Variants in RBM27 observed in about 807,000 individuals in gnomAD.
RBM27 encodes RNA-binding protein 27.
RBM27 carries 22 observed loss-of-function variants against 135.3 expected under a neutral mutation model. That is an observed-to-expected ratio of 0.16 (90% confidence interval 0.12 to 0.23). The LOEUF is 0.23. RBM27 is among the 10% of genes least tolerant of loss of function. The pLI is 1.00. For missense variants in RBM27, 1,009 were observed against 1,281.0 expected (o/e 0.79, Z 3.24); for synonymous variants, 481 against 442.4 (o/e 1.09, Z -1.10).
chr5:146,255,061 A>G lies in RBM27; in HGVS notation c.1563A>G (p.Leu521=). 2 of 1,612,910 alleles carry G rather than the reference A, an allele frequency of 1.2e-6. No homozygotes were observed. Among genetic ancestry groups the G allele is most frequent in the Non-Finnish European group, 1.7e-6 (2 of 1,179,138 alleles). Residue 521 remains leucine, a synonymous_variant, in exon 10 of 21, where the codon CTA becomes CTG. Transcript: ENST00000265271. ...TQTQRPNLIG[L]TSGDMDVNPR... ...CACAGCGTCCCAATCTGATTGGCCT[A>G]ACATCTGGAGATATGGATGTAAATC... is the stretch of plus-strand genomic sequence containing the variant.
chr5:146,233,308 C>G, intron 6 of RBM27, 142 bp from the exon 7 acceptor site: 1 of 1,310,786 alleles, frequency 7.6e-7, no homozygotes, highest in South Asian at 1.9e-5. Flanking sequence ...TGATGCTTAA[C>G]AGAGTAACAC....
intron 2 of RBM27, among the ~76,000 whole-genome samples, chr5:146,221,184 A>G (rs927042211): frequency 1.3e-4 from 20 of 150,758 alleles, no homozygotes; most frequent in African/African-American, 4.6e-4. Flanking sequence ...TTTAGTAATT[A>G]AAAAAAAAAT....
intron 1 of RBM27, among the ~76,000 whole-genome samples, chr5:146,213,577 G>A (rs992415013): frequency 6.6e-6 from 1 of 152,176 alleles, no homozygotes; most frequent in Non-Finnish European, 1.5e-5. Flanking sequence ...CTGCAAGTGG[G>A]AAAGGTCTAA....
rs982242492 is a variant in RBM27, at chr5:146,287,123, G to C, written c.*1093G>C. ...TTAAACCATGATGGTGAGGTGACTG[G>C]GGGGTGGGGGGTGGAGGTGGGAGGG... On this transcript the variant is annotated 3_prime_UTR_variant, in exon 21 of 21. Transcript: ENST00000265271. 18 of 151,406 alleles carry C rather than the reference G, an allele frequency of 1.2e-4. No homozygotes were observed. The highest frequency in any genetic ancestry group is 4.4e-4 in the African/African-American group (18 of 41,168). 9.4% of individuals were successfully genotyped at this position (151,406 alleles called of 1,614,324 possible).
intron 1 of RBM27, among the ~76,000 whole-genome samples, chr5:146,208,827 A>G (rs1755818658): frequency 1.3e-5 from 2 of 152,204 alleles, no homozygotes; most frequent in African/African-American, 4.8e-5. Flanking sequence ...GTTGTATTTA[A>G]TGGGGAATGT....
intron 1 of RBM27, 73 bp downstream of exon 1, chr5:146,203,897 G>A: frequency 7.7e-7 from 1 of 1,300,348 alleles, no homozygotes; most frequent in Non-Finnish European, 1.1e-6. Context: ...GGGGAGGGGA[G>A]GTGGCGTGGG....
At chr5:146,264,105 CAAA>C (rs377296275) in intron 14 of RBM27, among the ~76,000 whole-genome samples, 3 of 122,882 alleles carry the variant, frequency 2.4e-5, no homozygotes, top group Admixed American at 8.4e-5. Context: ...GACCCTGTGT[CAAA>C]AAAAAAAAAA....
chr5:146,251,563 G>A (rs1757885764), intron 8 of RBM27, 148 bp from the exon 9 acceptor site: 1 of 730,594 alleles, frequency 1.4e-6, no homozygotes, highest in Admixed American at 2.9e-5. Flanking sequence ...TCTTGAGTTA[G>A]AAAGAATCCC....
Position 146,233,649 on chromosome 5 carries a change from C to CCCGGGCCCAGGT in RBM27, c.1053_1064dup (p.Pro355_Gly358dup), listed in dbSNP as rs756604432. 18 of 1,569,504 alleles carry CCCGGGCCCAGGT rather than the reference C, an allele frequency of 1.1e-5. No homozygotes were observed. Among genetic ancestry groups the CCCGGGCCCAGGT allele is most frequent in the Non-Finnish European group, 1.1e-5 (13 of 1,167,242 alleles). ...GCCCGGGCCCAGGTCCAGGCCCAGG[C>CCCGGGCCCAGGT]CCGGGCCCAGGTCCAGGTCCTGGCC... On this transcript the variant is annotated inframe_insertion, in exon 7 of 21. Coordinates refer to ENST00000265271, the MANE Select transcript of RBM27 (RefSeq NM_018989.2).
Position 146,229,043 on chromosome 5 carries a change from T to C in RBM27, c.395+6T>C, listed in dbSNP as rs760460424. ...TCAGAATCTAGTGAACGAAGGTTTG[T>C]GTTTATCTTTAATTAGGAAGACATT... On this transcript the variant is annotated splice_donor_region_variant and intron_variant, in intron 4 of 20. Transcript: ENST00000265271. 4.3e-6 allele frequency: 7 copies of C among 1,610,430 alleles called. No individual in the cohort carries two copies. The Admixed American group carries it at 1.0e-4, about 23-fold the overall frequency.
rs73303461 is a variant in RBM27, at chr5:146,278,402, A to G, written c.2989-6220A>G. ...TGAAAAAGGAATAAAAGTGTATACA[A>G]TGAAAAATAAGATTTCCTTCTACCT... On this transcript the variant is annotated intron_variant, in intron 19 of 20. Coordinates refer to ENST00000265271, the MANE Select transcript of RBM27 (RefSeq NM_018989.2). Among the ~76,000 whole-genome samples the G allele has an allele frequency of 8.3e-3, 1,257 of 152,304 alleles. 17 individuals are homozygous for G. Among genetic ancestry groups the G allele is most frequent in the African/African-American group, 0.028 (1,165 of 41,562 alleles).
intron 7 of RBM27, among the ~76,000 whole-genome samples, chr5:146,236,499 G>A (rs933984833): frequency 2.6e-5 from 4 of 152,274 alleles, no homozygotes; most frequent in Middle Eastern, 3.4e-3. Context: ...TCTAGAACAA[G>A]TAATGTTCTT....
At chr5:146,245,359 T>G (rs1757581729) in intron 8 of RBM27, 1 of 152,234 alleles carries the variant, frequency 6.6e-6, no homozygotes, top group African/African-American at 2.4e-5. Flanking sequence ...TGGTCTGTTC[T>G]GCTTCTTGAA....
chr5:146,206,934 A>C (rs1332765373), intron 1 of RBM27, among the ~76,000 whole-genome samples: 1 of 152,198 alleles, frequency 6.6e-6, no homozygotes, highest in African/African-American at 2.4e-5. Context: ...TGGAGATATT[A>C]ATAATAAAAA....
chr5:146,276,065 C>G (rs937400947), intron 19 of RBM27, among the ~76,000 whole-genome samples: 4 of 151,960 alleles, frequency 2.6e-5, no homozygotes, highest in Admixed American at 2.0e-4. Context: ...TTGCACCTGG[C>G]TAGTTTTTTT....
Position 146,260,341 on chromosome 5 carries a change from C to T in RBM27, c.1740-404C>T, listed in dbSNP as rs77516771. ...AATGTGAAAATTGCTTAGTAATTTC[C>T]GAAGAATGTTAAGGGCTCACAAAAG... On this transcript the variant is annotated intron_variant, in intron 11 of 20. Transcript: ENST00000265271. Among the ~76,000 whole-genome samples, 14 of 151,920 alleles carry T rather than the reference C, an allele frequency of 9.2e-5. No homozygotes were observed. In the East Asian group the frequency reaches 1.7e-3, roughly 19 times the overall value.
chr5:146,203,850 C>T (rs775184225), intron 1 of RBM27, 26 bp downstream of exon 1: 170 of 1,485,086 alleles, frequency 1.1e-4, no homozygotes, highest in Non-Finnish European at 1.1e-4. Context: ...TGGGCCGGGG[C>T]CGGCGAACGT....
chr5:146,242,176 G>A (rs1037515781), intron 8 of RBM27, among the ~76,000 whole-genome samples: 1 of 152,194 alleles, frequency 6.6e-6, no homozygotes, highest in African/African-American at 2.4e-5. Flanking sequence ...TGCTCAAGCA[G>A]TTGTGCCTTG....
At chr5:146,214,383 A>G (rs1039671473) in intron 1 of RBM27, among the ~76,000 whole-genome samples, 4 of 152,206 alleles carry the variant, frequency 2.6e-5, no homozygotes, top group African/African-American at 9.6e-5. Flanking sequence ...TAAAGTGGCT[A>G]AAAGATTTTA....
Sources: gnomAD v4.1 joint callset for allele counts (sites outside exome capture counted in the v4.1 genomes callset) on GRCh38, gnomAD v4.1.1 for gene constraint, MANE v1.5 for transcripts, NCBI Gene and HGNC (gene_info 2026-07-23, HGNC 2026-07-21) for gene names.